The following DOCK1 variants were observed in gnomAD, a reference collection of about 807,000 sequenced individuals.
DOCK1 encodes the protein dedicator of cytokinesis protein 1.
DOCK1 carries 138 observed loss-of-function variants against 262.7 expected under a neutral mutation model. That is an observed-to-expected ratio of 0.53 (90% CI 0.46 to 0.61). The LOEUF (loss-of-function observed/expected upper bound fraction) is 0.61. DOCK1 is among the 20% of genes least tolerant of loss of function. The pLI is 0.00. For synonymous variants in DOCK1, 866 were observed against 867.4 expected, an observed-to-expected ratio of 1.00 and a Z score of 0.03; for missense variants, 1,908 against 2,370.7, an observed-to-expected ratio of 0.80 and a Z score of 4.05.
intron 6 of DOCK1, among the ~76,000 whole-genome samples, chr10:126,991,781 G>A (rs1472721321): frequency 1.3e-5 from 2 of 152,048 alleles, no homozygotes; most frequent in African/African-American, 4.8e-5. Context: ...CACCCGCCTT[G>A]GCATCACAAA....
At chr10:127,081,642 T>G (rs532787245) in intron 23 of DOCK1, among the ~76,000 whole-genome samples, 3 of 152,254 alleles carry the variant, frequency 2.0e-5, no homozygotes, top group Admixed American at 6.5e-5. Context: ...GTGGCTTCAA[T>G]TGCTGTGGAT....
chr10:127,049,385 G>T (rs1030736017), intron 21 of DOCK1, among the ~76,000 whole-genome samples: 1 of 152,106 alleles, frequency 6.6e-6, no homozygotes, highest in Non-Finnish European at 1.5e-5. Context: ...GCCAAGTGTG[G>T]TGGTGGGCAC....
At chr10:126,978,720 A>G (rs2038732842) in intron 3 of DOCK1, among the ~76,000 whole-genome samples, 1 of 152,132 alleles carries the variant, frequency 6.6e-6, no homozygotes, top group Non-Finnish European at 1.5e-5. Context: ...ATGTGTTTTA[A>G]TATCTAATTA....
intron 27 of DOCK1, among the ~76,000 whole-genome samples, chr10:127,145,392 A>T (rs1208113099): frequency 1.3e-5 from 2 of 152,226 alleles, no homozygotes. Flanking sequence ...ACGAGTCATG[A>T]TAATCAGAGG....
intron 36 of DOCK1, 61 bp downstream of exon 36, chr10:127,380,183 T>C: frequency 7.9e-7 from 1 of 1,259,288 alleles, no homozygotes; most frequent in Non-Finnish European, 1.1e-6. Context: ...GTTGTATGTT[T>C]ACGTATGCTA....
chr10:126,959,001 C>T (rs1425627081), intron 1 of DOCK1, among the ~76,000 whole-genome samples: 2 of 152,268 alleles, frequency 1.3e-5, no homozygotes, highest in Admixed American at 6.5e-5. Flanking sequence ...TGAAGAAATA[C>T]ATTGGTTTGG....
chr10:127,413,050 G>A (rs995692665), intron 43 of DOCK1, among the ~76,000 whole-genome samples: 3 of 152,202 alleles, frequency 2.0e-5, no homozygotes, highest in African/African-American at 7.2e-5. Context: ...AGAGCAGACT[G>A]CACCTGTTAC....
chr10:127,133,040 G>A (rs2050419575), intron 27 of DOCK1, among the ~76,000 whole-genome samples: 5 of 152,132 alleles, frequency 3.3e-5, no homozygotes, highest in Admixed American at 2.6e-4. Flanking sequence ...AAGTTATTTT[G>A]TTTCCACTCT....
intron 29 of DOCK1, among the ~76,000 whole-genome samples, chr10:127,282,619 G>A (rs1397214369): frequency 6.6e-6 from 1 of 152,170 alleles, no homozygotes; most frequent in East Asian, 1.9e-4. Flanking sequence ...GGGTCACCAG[G>A]GCAAAACCAC....
At chr10:127,110,442 G>T in intron 25 of DOCK1, 88 bp downstream of exon 25, 3 of 1,221,552 alleles carry the variant, frequency 2.5e-6, no homozygotes, top group Non-Finnish European at 3.5e-6. Flanking sequence ...CTTGACAAAA[G>T]GAGTAGAGGC....
rs764838812 is a variant in DOCK1 at position 127,361,336 on chromosome 10, G to A, written c.3284-728G>A. Among the ~76,000 whole-genome samples the A allele has an allele frequency of 1.1e-4, 16 of 152,016 alleles. 1 individual carries two copies. The South Asian group carries it at 1.7e-3, about 16-fold the overall frequency. ...TCACCGTGTTAGCCAGGATGGTCTC[G>A]ATCTCCTGACCTCGTGATCTGCCCG... On this transcript the variant is annotated intron_variant, in intron 32 of 51. Coordinates refer to ENST00000623213, the MANE Select transcript of DOCK1 (RefSeq NM_001290223.2).
At chr10:127,105,558 C>T (rs937851456) in intron 23 of DOCK1, among the ~76,000 whole-genome samples, 1 of 152,094 alleles carries the variant, frequency 6.6e-6, no homozygotes, top group African/African-American at 2.4e-5. Context: ...GAGGATTATT[C>T]TGAGGGGGAC....
rs191525608 is a variant in DOCK1, at chr10:126,995,340, G to T, written c.474-1408G>T. 6.6e-6 allele frequency among the ~76,000 whole-genome samples: 1 copy of T among 152,310 alleles called. No homozygotes were observed. The highest frequency in any genetic ancestry group is 2.4e-5 in the African/African-American group (1 of 41,574). On this transcript the variant is annotated intron_variant, in intron 6 of 51. Coordinates refer to ENST00000623213, the MANE Select transcript of DOCK1 (RefSeq NM_001290223.2). The surrounding 1 kb of genome is among the most constrained non-coding windows in gnomAD (Gnocchi z 5.8). ...GCCGAGATCATGCCACTGCACTCCA[G>T]CCTGGGCAACACTGAGCACTGGGTG...
chr10:127,366,202 G>A (rs746684971), intron 33 of DOCK1, among the ~76,000 whole-genome samples: 1 of 151,774 alleles, frequency 6.6e-6, no homozygotes, highest in Non-Finnish European at 1.5e-5. Context: ...GAGGGATAGC[G>A]TACATTAAAG....
At chr10:126,959,239 T>C (rs2036997543) in intron 1 of DOCK1, among the ~76,000 whole-genome samples, 2 of 152,216 alleles carry the variant, frequency 1.3e-5, no homozygotes, top group Non-Finnish European at 2.9e-5. Context: ...TTAATCTTTT[T>C]AGGGTCTGGA....
At chr10:127,179,077 G>A (rs891148927) in intron 27 of DOCK1, among the ~76,000 whole-genome samples, 1 of 152,176 alleles carries the variant, frequency 6.6e-6, no homozygotes, top group Non-Finnish European at 1.5e-5. Context: ...TTTACAAAAA[G>A]CAATTTACTA....
At chr10:127,110,764 A>G (rs1281317708) in intron 25 of DOCK1, among the ~76,000 whole-genome samples, 2 of 152,220 alleles carry the variant, frequency 1.3e-5, no homozygotes, top group Non-Finnish European at 2.9e-5. Context: ...CTTTGACAGC[A>G]TTTCTTCAAA....
chr10:127,248,172 C>G, intron 28 of DOCK1, 63 bp downstream of exon 28: 1 of 1,354,436 alleles, frequency 7.4e-7, no homozygotes, highest in East Asian at 2.3e-5. Flanking sequence ...TAGACAAAAG[C>G]CTGATATCAA....
chr10:127,245,288 A>T (rs953222120), intron 27 of DOCK1, among the ~76,000 whole-genome samples: 6 of 152,204 alleles, frequency 3.9e-5, no homozygotes, highest in Non-Finnish European at 8.8e-5. Context: ...AAAAAGCAAG[A>T]CTTACTTTCG....
Sources: allele counts gnomAD v4.1 joint callset (sites outside exome capture counted in the v4.1 genomes callset), GRCh38; gene constraint gnomAD v4.1.1; non-coding constraint Gnocchi (gnomAD v3.1); transcripts MANE v1.5; gene names NCBI Gene and HGNC (gene_info 2026-07-23, HGNC 2026-07-21).